HHIP: variants seen among roughly 807,000 people sequenced by gnomAD.
HHIP encodes hedgehog interacting protein, also known as hedgehog-interacting protein.
In HHIP, 12 loss-of-function variants were observed where a neutral mutation model predicts 74.0. The observed-to-expected ratio is 0.16, with a 90% confidence interval of 0.10 to 0.26. The LOEUF is 0.26. Ranked by LOEUF, HHIP falls within the 10% of genes least tolerant of loss-of-function variation. The pLI, the probability that HHIP is intolerant of heterozygous loss-of-function variation, is 1.00. For synonymous variants in HHIP, 309 were observed against 311.6 expected, an observed-to-expected ratio of 0.99 and a Z score of 0.09; for missense variants, 788 against 845.0, an observed-to-expected ratio of 0.93 and a Z score of 0.84.
At chr4:144,692,012 C>A (rs1427647763) in intron 4 of HHIP, among the ~76,000 whole-genome samples, 2 of 152,240 alleles carry the variant, frequency 1.3e-5, no homozygotes, top group Non-Finnish European at 2.9e-5. Flanking sequence ...CCATCATGTA[C>A]AGGAACAATA....
At chr4:144,710,714 TG>T (rs1730273318) in intron 7 of HHIP, among the ~76,000 whole-genome samples, 1 of 152,094 alleles carries the variant, frequency 6.6e-6, no homozygotes, top group African/African-American at 2.4e-5. Flanking sequence ...TAGAGTGTGA[TG>T]GGGGTGAGGG....
chr4:144,711,121 C>T (rs1283491652), intron 7 of HHIP, among the ~76,000 whole-genome samples: 1 of 152,130 alleles, frequency 6.6e-6, no homozygotes, highest in Non-Finnish European at 1.5e-5. Flanking sequence ...GGATGGAAAA[C>T]ATGAAAACAG....
intron 7 of HHIP, among the ~76,000 whole-genome samples, chr4:144,709,761 C>A (rs1346330112): frequency 6.6e-6 from 1 of 152,168 alleles, no homozygotes; most frequent in East Asian, 1.9e-4. Context: ...TTCTCCCACT[C>A]CCCTTTTATT....
chr4:144,667,647 A>G (rs1728913657), intron 4 of HHIP, among the ~76,000 whole-genome samples: 1 of 152,222 alleles, frequency 6.6e-6, no homozygotes, highest in Non-Finnish European at 1.5e-5. Flanking sequence ...AAAGCACAGG[A>G]CTAACGATGA....
At chr4:144,656,757 A>T (rs191527109) in intron 2 of HHIP, among the ~76,000 whole-genome samples, 8 of 152,258 alleles carry the variant, frequency 5.3e-5, no homozygotes, top group Admixed American at 2.6e-4. Flanking sequence ...CCAAAACAAG[A>T]TCTAGCCCAA....
intron 4 of HHIP, among the ~76,000 whole-genome samples, chr4:144,676,049 T>G (rs1167837219): frequency 6.6e-6 from 1 of 152,136 alleles, no homozygotes; most frequent in Non-Finnish European, 1.5e-5. Flanking sequence ...GTAAACAAGA[T>G]GTATGTTTTA....
Position 144,744,892 on chromosome 4 carries a change from G to A in HHIP, c.*6935G>A, listed in dbSNP as rs1731342849. On this transcript the variant is annotated 3_prime_UTR_variant, in exon 13 of 13. Coordinates refer to ENST00000296575, the MANE Select transcript of HHIP (RefSeq NM_022475.3). The stretch of plus-strand genomic sequence containing the variant: ...AGAATTCAGCAGTAACAGTACAGAT[G>A]GCCTAAAGTACATCTGTGTGTATCT... 6.6e-6 allele frequency: 1 copy of A among 152,060 alleles called. No individual in the cohort carries two copies. Among genetic ancestry groups the A allele is most frequent in the Admixed American group, 6.5e-5 (1 of 15,268 alleles). 9.4% of individuals were successfully genotyped at this position (152,060 alleles called of 1,614,324 possible). A position where few individuals can be genotyped will look rare whatever the true frequency, so the allele number is the denominator to read the frequency against.
intron 4 of HHIP, among the ~76,000 whole-genome samples, chr4:144,676,527 A>T (rs1357363576): frequency 6.6e-6 from 1 of 152,228 alleles, no homozygotes; most frequent in East Asian, 1.9e-4. Context: ...CCACGTTATC[A>T]TTCTCTGGAG....
At chr4:144,668,417 AGTAG>A (rs1434737785) in intron 4 of HHIP, among the ~76,000 whole-genome samples, 1 of 152,110 alleles carries the variant, frequency 6.6e-6, no homozygotes, top group Admixed American at 6.5e-5. Flanking sequence ...AACAGTAGAC[AGTAG>A]ACATTATCAG....
At position 144,712,051 on chromosome 4, in the gene HHIP, T is replaced by C. The variant is rs201257429; in HGVS notation, c.1403T>C (p.Ile468Thr). 6.2e-7 allele frequency: 1 copy of C among 1,612,962 alleles called. No homozygotes were observed. The highest frequency in any genetic ancestry group is 1.7e-5 in the Admixed American group (1 of 59,984). Reference sequence around the variant, plus strand: ...AGATCATCAGCCAGAATTCTACAGATAATAAAGGGGAAAGATTATGGTATG... The same window carrying C: ...AGATCATCAGCCAGAATTCTACAGACAATAAAGGGGAAAGATTATGGTATG... The part of the protein sequence containing the change: ...KNRSSARILQ[I>T]IKGKDYESEP... The change falls in exon 8 of 13, where the codon ATA (isoleucine) becomes ACA (threonine). Residue 468 changes from isoleucine to threonine, a missense_variant. This residue lies in a region of HHIP where 343 missense variants were observed against 347.9 expected (regional missense o/e 0.99). Coordinates refer to ENST00000296575, the MANE Select transcript of HHIP (RefSeq NM_022475.3).
chr4:144,656,104 T>A (rs1327709117), intron 2 of HHIP, among the ~76,000 whole-genome samples: 1 of 152,184 alleles, frequency 6.6e-6, no homozygotes, highest in Non-Finnish European at 1.5e-5. Context: ...TGGCAATAAA[T>A]GTTAAAATAT....
At position 144,711,938 on chromosome 4, in the gene HHIP, C is replaced by A. The variant is rs1730316747; in HGVS notation, c.1302-12C>A. On this transcript the variant is annotated splice_polypyrimidine_tract_variant and intron_variant, in intron 7 of 12. Coordinates refer to ENST00000296575, the MANE Select transcript of HHIP (RefSeq NM_022475.3). Reference sequence around the variant, plus strand: ...CGGTAGGAATTAATGTGTATCCCCTCTTGTTATGCAGATGTGCTGTGGATA... The same window carrying A: ...CGGTAGGAATTAATGTGTATCCCCTATTGTTATGCAGATGTGCTGTGGATA... 1.2e-6 allele frequency: 2 copies of A among 1,610,716 alleles called. No homozygotes were observed. The highest frequency in any genetic ancestry group is 4.5e-5 in the East Asian group (2 of 44,818).
At chr4:144,700,742 G>T (rs954183778) in intron 4 of HHIP, among the ~76,000 whole-genome samples, 10 of 152,142 alleles carry the variant, frequency 6.6e-5, no homozygotes, top group African/African-American at 2.4e-4. Flanking sequence ...AAGAAACTTA[G>T]CTCTGCCAAC....
intron 4 of HHIP, among the ~76,000 whole-genome samples, chr4:144,664,262 T>C (rs1192608121): frequency 6.6e-6 from 1 of 152,198 alleles, no homozygotes; most frequent in Non-Finnish European, 1.5e-5. Flanking sequence ...ACTGAGCCAA[T>C]TGAGGTGGAG....
intron 4 of HHIP, among the ~76,000 whole-genome samples, chr4:144,690,908 T>C (rs1237839073): frequency 1.3e-5 from 2 of 152,148 alleles, no homozygotes; most frequent in African/African-American, 2.4e-5. Context: ...AACCTCCATT[T>C]AGATTTATAT....
At position 144,737,936 on chromosome 4, in the gene HHIP, T is replaced by A; in HGVS notation, c.2082T>A (p.Asp694Glu). 2 of 1,609,858 alleles carry A rather than the reference T, an allele frequency of 1.2e-6. No homozygotes were observed. The highest frequency in any genetic ancestry group is 3.3e-5 in the Admixed American group (2 of 59,796). ...QIIDMTSYLL[D>E]LTSYIV is the part of the protein sequence containing the mutation. Reference sequence around the variant, plus strand: ...TTGACATGACATCTTACTTGCTGGATCTAACAAGTTACATTGTATAGTTTC... The same window carrying A: ...TTGACATGACATCTTACTTGCTGGAACTAACAAGTTACATTGTATAGTTTC... The change falls in exon 13 of 13, where the codon GAT becomes GAA. Residue 694 changes from aspartate (D) to glutamate (E), a missense_variant. Transcript: ENST00000296575.
At chr4:144,704,247 T>G (rs1009520373) in intron 4 of HHIP, among the ~76,000 whole-genome samples, 1 of 152,236 alleles carries the variant, frequency 6.6e-6, no homozygotes, top group African/African-American at 2.4e-5. Flanking sequence ...TAAACTACTT[T>G]GCACCTGGAA....
chr4:144,691,667 G>T (rs1729672912), intron 4 of HHIP, among the ~76,000 whole-genome samples: 2 of 151,894 alleles, frequency 1.3e-5, no homozygotes, highest in African/African-American at 2.4e-5. Context: ...ACATAAGGAA[G>T]GAGATGCCTT....
At chr4:144,702,463 TTTA>T (rs1332492103) in intron 4 of HHIP, among the ~76,000 whole-genome samples, 1 of 152,200 alleles carries the variant, frequency 6.6e-6, no homozygotes, top group African/African-American at 2.4e-5. Flanking sequence ...TGAAGAGGGT[TTTA>T]TTATTTCCTC....
Sources: allele counts gnomAD v4.1 joint callset (sites outside exome capture counted in the v4.1 genomes callset), GRCh38; gene constraint gnomAD v4.1.1; regional missense constraint gnomAD v4.1.1; transcripts MANE v1.5; gene names NCBI Gene and HGNC (gene_info 2026-07-23, HGNC 2026-07-21).